Variants in SLC4A9 observed in about 807,000 individuals in gnomAD.
SLC4A9 encodes anion exchange protein 4.
A neutral mutation model predicts 103.2 loss-of-function variants in SLC4A9; 102 were observed. The observed-to-expected ratio is 0.99, with a 90% CI of 0.84 to 1.17. The LOEUF (loss-of-function observed/expected upper bound fraction) is 1.17, where lower values mean the gene tolerates loss of function less well. Ranked by LOEUF, SLC4A9 falls within the 50% of genes most tolerant of loss-of-function variation. SLC4A9 has a pLI of 0.00. For missense variants in SLC4A9, 1,091 were observed against 1,193.7 expected (o/e 0.91, Z 1.27); for synonymous variants, 453 against 483.6 (o/e 0.94, Z 0.83).
intron 20 of SLC4A9, 163 bp downstream of exon 20, chr5:140,372,560 G>A (rs1019239315): frequency 6.8e-5 from 98 of 1,445,762 alleles, no homozygotes; most frequent in Non-Finnish European, 8.2e-5. Flanking sequence ...AGGGGTGAAG[G>A]AAATCTTTCT....
chr5:140,363,033 C>A lies in SLC4A9; in HGVS notation c.929C>A (p.Pro310His). Residue 310 changes from proline to histidine, a missense_variant, in exon 7 of 22, where the codon CCC (proline) becomes CAC (histidine). Coordinates refer to ENST00000506757, the MANE Select transcript of SLC4A9 (RefSeq NM_031467.3). The surrounding 1 kb of genome is among the most constrained non-coding windows in gnomAD (Gnocchi z 4.5). ...CGGTGGGACCCAACAGCCCGGATTCCCCCGCCCAAATGTCTGCCATCTCAG... is the reference window on the plus strand; with the variant it reads ...CGGTGGGACCCAACAGCCCGGATTCACCCGCCCAAATGTCTGCCATCTCAG... ...PGRWDPTARIPPPKCLPSQHK... is the reference protein window; with the variant it reads ...PGRWDPTARIHPPKCLPSQHK... 1 of 1,613,196 alleles carries A rather than the reference C, an allele frequency of 6.2e-7. No individual in the cohort carries two copies. Among genetic ancestry groups the A allele is most frequent in the Non-Finnish European group, 8.5e-7 (1 of 1,179,668 alleles).
intron 21 of SLC4A9, among the ~76,000 whole-genome samples, chr5:140,374,335 G>A (rs1769175161): frequency 6.6e-6 from 1 of 151,952 alleles, no homozygotes; most frequent in South Asian, 2.1e-4. Context: ...CGAGGCGGGT[G>A]GATTACTTGA....
chr5:140,366,180 A>C lies in SLC4A9; in HGVS notation c.1929A>C (p.Ser643=). 1 of 1,613,130 alleles carries C rather than the reference A, an allele frequency of 6.2e-7. No individual in the cohort carries two copies. The change falls in exon 14 of 22, where the codon TCA becomes TCC. Residue 643 remains serine, a synonymous_variant. Transcript: ENST00000506757. ...VVRKGLSDFS[S]VLAILLGCGL... Reference sequence around the variant, plus strand: ...GCAAAGGGCTCAGCGACTTCTCCTCAGTCCTGGCCATCCTGCTCGGCTGTG... The same window carrying C: ...GCAAAGGGCTCAGCGACTTCTCCTCCGTCCTGGCCATCCTGCTCGGCTGTG...
chr5:140,360,626 T>C, intron 1 of SLC4A9, 160 bp downstream of exon 1: 1 of 1,129,632 alleles, frequency 8.9e-7, no homozygotes, highest in East Asian at 2.6e-5. Flanking sequence ...CCCAGCCTCC[T>C]CTGCAGTCTA....
chr5:140,364,618 C>G lies in SLC4A9; in HGVS notation c.1644C>G (p.Gly548=), dbSNP rs767442540. The change falls in exon 11 of 22, where the codon GGC becomes GGG. Residue 548 remains glycine (G), a synonymous_variant. Coordinates refer to ENST00000506757, the MANE Select transcript of SLC4A9 (RefSeq NM_031467.3). The stretch of plus-strand genomic sequence containing the variant: ...ACGGGTGCCTCTGCCAATACCCAGG[C>G]CCAGGAGGTGGGTAAGGGAAACAGG... ...SAYGCLCQYP[G]PGGNESQWIR... 9.4e-6 allele frequency: 15 copies of G among 1,600,058 alleles called. No individual in the cohort carries two copies. Among genetic ancestry groups the G allele is most frequent in the Non-Finnish European group, 1.3e-5 (15 of 1,173,062 alleles).
At chr5:140,369,572 T>C (rs1266069239) in intron 17 of SLC4A9, among the ~76,000 whole-genome samples, 2 of 152,268 alleles carry the variant, frequency 1.3e-5, no homozygotes, top group Non-Finnish European at 2.9e-5. Flanking sequence ...CAAGGGTCAC[T>C]GGCAGGACGA....
In SLC4A9 at chr5:140,371,450, G is replaced by A; in HGVS notation, c.2497-1G>A. 1 of 1,613,920 alleles carries A rather than the reference G, an allele frequency of 6.2e-7. No individual in the cohort carries two copies. The highest frequency in any genetic ancestry group is 8.5e-7 in the Non-Finnish European group (1 of 1,179,882). ...CTTTCCTCTTCCTCTTGTTCCCCTA[G>A]TTCACTAATAGGGTGAAGCTGTTGT... On this transcript the variant is annotated splice_acceptor_variant, in intron 18 of 21. Coordinates refer to ENST00000506757, the MANE Select transcript of SLC4A9 (RefSeq NM_031467.3). LOFTEE classifies it high-confidence loss of function.
At position 140,363,081 on chromosome 5, in the gene SLC4A9, T is replaced by A. The variant is rs375557640; in HGVS notation, c.962+15T>A. 6.8e-5 allele frequency: 110 copies of A among 1,611,914 alleles called. 1 individual carries two copies. The Middle Eastern group carries it at 1.2e-3, about 18-fold the overall frequency. On this transcript the variant is annotated intron_variant, in intron 7 of 21. Coordinates refer to ENST00000506757, the MANE Select transcript of SLC4A9 (RefSeq NM_031467.3). This position sits in a 1 kb window ranked among gnomAD's most constrained non-coding sequence, Gnocchi z 4.5. ...CAGCACAAAAGGTACCTGGGAGCCA[T>A]CATCCCATACAGATTCCTGCCCATA...
rs1033470695 is a variant in SLC4A9 at position 140,372,950 on chromosome 5, C to T, written c.*45+107C>T. The stretch of plus-strand genomic sequence containing the variant: ...AGCCCTGTTTTCTCCTTACTCCAGT[C>T]CCTTAGGAATCCTAGATTGGGGGTG... On this transcript the variant is annotated intron_variant, in intron 21 of 21. Transcript: ENST00000506757. 1.5e-5 allele frequency: 9 copies of T among 610,498 alleles called. No homozygotes were observed. The South Asian group carries it at 2.1e-4, about 14-fold the overall frequency. The allele number at this position is 610,498 out of a possible 1,614,324, so 37.8% of individuals were successfully genotyped here. A position where few individuals can be genotyped will look rare whatever the true frequency, so the allele number is the denominator to read the frequency against.
Position 140,362,147 on chromosome 5 carries a change from C to T in SLC4A9, c.692C>T (p.Ser231Phe). The T allele has an allele frequency of 4.5e-6, 7 of 1,557,742 alleles. No homozygotes were observed. The highest frequency in any genetic ancestry group is 1.2e-5 in the South Asian group (1 of 81,516). The part of the protein sequence containing the change: ...VRLRNPVVLG[S>F]LTEVSLPSRF... Reference sequence around the variant, plus strand: ...CTGCGGAACCCTGTGGTACTGGGGTCCCTTACTGAGGTGTCCCTCCCAAGC... The same window carrying T: ...CTGCGGAACCCTGTGGTACTGGGGTTCCTTACTGAGGTGTCCCTCCCAAGC... Residue 231 changes from serine (S) to phenylalanine (F), a missense_variant, in exon 5 of 22, where the codon TCC (serine) becomes TTC (phenylalanine). By Grantham distance (155) the Ser-to-Phe change is radical. Transcript: ENST00000506757.
Position 140,360,298 on chromosome 5 carries a change from C to T in SLC4A9, c.62C>T (p.Pro21Leu). 5 of 1,612,436 alleles carry T rather than the reference C, an allele frequency of 3.1e-6. No individual in the cohort carries two copies. Among genetic ancestry groups the T allele is most frequent in the Non-Finnish European group, 2.5e-6 (3 of 1,179,288 alleles). Residue 21 changes from proline (P) to leucine (L), a missense_variant, in exon 1 of 22, where the codon CCT becomes CTT. Pro to Leu is a moderately conservative substitution (Grantham distance 98). Transcript: ENST00000506757. ...FEASSAPRNI[P>L]SGELDSNPDP... Reference sequence around the variant, plus strand: ...GCCTCCAGTGCTCCTAGAAATATTCCTTCAGGGGAGCTGGACAGCAACCCT... The same window carrying T: ...GCCTCCAGTGCTCCTAGAAATATTCTTTCAGGGGAGCTGGACAGCAACCCT...
rs768752198 is a variant in SLC4A9 at position 140,362,195 on chromosome 5, G to C, written c.719+21G>C. 3.3e-6 allele frequency: 5 copies of C among 1,504,464 alleles called. No homozygotes were observed. In the African/African-American group the frequency reaches 7.0e-5, roughly 21 times the overall value. 93.2% of individuals were successfully genotyped at this position (1,504,464 alleles called of 1,614,324 possible). ...AGCAGGTGAGGCTACTGAGTGAGTGGGAGTCAGGGATCCCAGAACCTAGAA... is the reference window on the plus strand; with the variant it reads ...AGCAGGTGAGGCTACTGAGTGAGTGCGAGTCAGGGATCCCAGAACCTAGAA... On this transcript the variant is annotated intron_variant, in intron 5 of 21. Coordinates refer to ENST00000506757, the MANE Select transcript of SLC4A9 (RefSeq NM_031467.3).
intron 17 of SLC4A9, 76 bp downstream of exon 17, chr5:140,368,735 A>G: frequency 7.8e-7 from 1 of 1,278,678 alleles, no homozygotes; most frequent in Non-Finnish European, 1.1e-6. Context: ...ACAGTAGTTG[A>G]ATACTTACAG....
chr5:140,372,606 G>C (rs937468893), intron 20 of SLC4A9, 139 bp from the exon 21 acceptor site: 45 of 1,440,706 alleles, frequency 3.1e-5, no homozygotes, highest in Non-Finnish European at 4.0e-5. Context: ...GGTGGAAAGG[G>C]CTGAGGCTTC....
rs769862352 is a variant in SLC4A9, at chr5:140,368,604, G to T, written c.2372G>T (p.Gly791Val). The change falls in exon 17 of 22, where the codon GGC becomes GTC. Residue 791 changes from glycine (G) to valine (V), a missense_variant. Gly to Val is a moderately radical substitution (Grantham distance 109, BLOSUM62 -3). Coordinates refer to ENST00000506757, the MANE Select transcript of SLC4A9 (RefSeq NM_031467.3). ...CCCCACAGGGAACAGAGGCTGACAG[G>T]CCTGGTGGTGTTCATCCTTACAGGA... is the stretch of plus-strand genomic sequence containing the variant. ...FLGIREQRLT[G>V]LVVFILTGAS... 5.0e-6 allele frequency: 8 copies of T among 1,613,064 alleles called. No homozygotes were observed. Among genetic ancestry groups the T allele is most frequent in the Non-Finnish European group, 5.1e-6 (6 of 1,179,712 alleles).
chr5:140,363,702 G>A lies in SLC4A9; in HGVS notation c.1080-26G>A. On this transcript the variant is annotated intron_variant, in intron 8 of 21. Coordinates refer to ENST00000506757, the MANE Select transcript of SLC4A9 (RefSeq NM_031467.3). This position sits in a 1 kb window ranked among gnomAD's most constrained non-coding sequence, Gnocchi z 4.5. ...TGCGGGTGTGGAGTGTGAAAACCTG[G>A]ATCACTGACGACCCTCGGGCGGGAG... The A allele has an allele frequency of 1.2e-6, 2 of 1,611,630 alleles. No homozygotes were observed. Among genetic ancestry groups the A allele is most frequent in the Non-Finnish European group, 1.7e-6 (2 of 1,178,764 alleles).
chr5:140,364,298 G>T, intron 10 of SLC4A9, 65 bp from the exon 11 acceptor site: 1 of 1,603,080 alleles, frequency 6.2e-7, no homozygotes, highest in South Asian at 1.1e-5. Context: ...AGGGACACCT[G>T]ACCTGGGTTT....
chr5:140,365,254 C>T (rs1359665064), intron 11 of SLC4A9, among the ~76,000 whole-genome samples: 12 of 152,232 alleles, frequency 7.9e-5, no homozygotes, highest in Admixed American at 2.6e-4. Context: ...GATTTGTATA[C>T]TCCTCTATTC....
chr5:140,362,384 G>A, intron 5 of SLC4A9, 61 bp from the exon 6 acceptor site: 2 of 1,520,250 alleles, frequency 1.3e-6, no homozygotes, highest in Non-Finnish European at 1.8e-6. Flanking sequence ...GAGCATCAGA[G>A]GCCAGGGCTG....
Sources: gnomAD v4.1 joint callset for allele counts (sites outside exome capture counted in the v4.1 genomes callset) on GRCh38, gnomAD v4.1.1 for gene constraint, Gnocchi (gnomAD v3.1) non-coding constraint, MANE v1.5 for transcripts, NCBI Gene and HGNC (gene_info 2026-07-23, HGNC 2026-07-21) for gene names.